PLVAP: variants seen among roughly 807,000 people sequenced by gnomAD.
The protein encoded by PLVAP is plasmalemma vesicle-associated protein.
Under a neutral mutation model 43.1 loss-of-function variants are expected in PLVAP, and 34 were observed. That is an observed-to-expected ratio of 0.79 (90% CI 0.60 to 1.05). The LOEUF (loss-of-function observed/expected upper bound fraction) is 1.05. Ranked by LOEUF, PLVAP falls within the 50% of genes least tolerant of loss-of-function variation. PLVAP has a pLI of 0.00. For missense variants in PLVAP, 574 were observed against 593.4 expected (o/e 0.97, Z 0.34); for synonymous variants, 241 against 237.3 (o/e 1.02, Z -0.14).
At chr19:17,372,820 T>TTC (rs1246223837) in intron 1 of PLVAP, among the ~76,000 whole-genome samples, 2 of 145,164 alleles carry the variant, frequency 1.4e-5, no homozygotes, top group African/African-American at 5.0e-5. Flanking sequence ...ATCCCAGCAC[T>TTC]GGGAGGCCAA....
At chr19:17,372,168 G>GA (rs1003792019) in intron 1 of PLVAP, among the ~76,000 whole-genome samples, 1 of 151,272 alleles carries the variant, frequency 6.6e-6, no homozygotes, top group Non-Finnish European at 1.5e-5. Context: ...GGTGTCTTGG[G>GA]AGGCTGAGGC....
At chr19:17,354,870 C>A (rs559345749) in intron 5 of PLVAP, among the ~76,000 whole-genome samples, 1 of 148,638 alleles carries the variant, frequency 6.7e-6, no homozygotes, top group East Asian at 2.0e-4. Flanking sequence ...TGCACTCCAG[C>A]CTGGGTGACA....
At chr19:17,354,664 C>T (rs908210446) in intron 5 of PLVAP, among the ~76,000 whole-genome samples, 9 of 147,582 alleles carry the variant, frequency 6.1e-5, no homozygotes, top group African/African-American at 1.5e-4. Flanking sequence ...TTTGGGAGGC[C>T]GAGGCAGGCG....
intron 3 of PLVAP, among the ~76,000 whole-genome samples, chr19:17,364,255 T>G (rs1376753446): frequency 6.6e-6 from 1 of 152,024 alleles, no homozygotes; most frequent in Non-Finnish European, 1.5e-5. Context: ...CCAGCTAATT[T>G]TTTGTGTTTT....
At chr19:17,368,003 T>G (rs1182184155) in intron 1 of PLVAP, among the ~76,000 whole-genome samples, 1 of 151,692 alleles carries the variant, frequency 6.6e-6, no homozygotes, top group Admixed American at 6.6e-5. Context: ...GTTCAAGTGA[T>G]TCTCCTGCCT....
intron 5 of PLVAP, among the ~76,000 whole-genome samples, chr19:17,354,725 C>T (rs1457773241): frequency 6.6e-5 from 10 of 151,582 alleles, no homozygotes; most frequent in South Asian, 4.2e-4. Context: ...AGTGAAACCC[C>T]GCCTCTACTA....
chr19:17,361,932 A>T (rs576649866), intron 3 of PLVAP, among the ~76,000 whole-genome samples: 191 of 150,858 alleles, frequency 1.3e-3, no homozygotes, highest in Non-Finnish European at 2.0e-3. Context: ...ATAAAAAAAA[A>T]AAAATCAGCC....
chr19:17,355,515 A>C (rs2074503418), intron 5 of PLVAP, among the ~76,000 whole-genome samples: 1 of 143,822 alleles, frequency 7.0e-6, no homozygotes, highest in Non-Finnish European at 1.5e-5. Context: ...GGTGCATGCC[A>C]TCATGCCTGG....
At chr19:17,361,444 C>T (rs2074528136) in intron 3 of PLVAP, among the ~76,000 whole-genome samples, 1 of 152,074 alleles carries the variant, frequency 6.6e-6, no homozygotes, top group Non-Finnish European at 1.5e-5. Flanking sequence ...TCCATCACAG[C>T]CTCAGGGTGA....
chr19:17,377,246 C>T lies in PLVAP; in HGVS notation c.43G>A (p.Gly15Arg). Residue 15 changes from glycine to arginine, a missense_variant, in exon 1 of 6, where the codon GGG becomes AGG. Gly to Arg is a moderately radical substitution (Grantham distance 125). Coordinates refer to ENST00000252590, the MANE Select transcript of PLVAP (RefSeq NM_031310.3). ...TACCAGCAGCCCCGAGAGCTGCCCCCCGCCCGAGCGTAGGACCCTCCGTGC... is the reference window on the plus strand; with the variant it reads ...TACCAGCAGCCCCGAGAGCTGCCCCTCGCCCGAGCGTAGGACCCTCCGTGC... ...MEHGGSYARAGGSSRGCWYYL... is the reference protein window; with the variant it reads ...MEHGGSYARARGSSRGCWYYL... 6.2e-7 allele frequency: 1 copy of T among 1,614,028 alleles called. No homozygotes were observed. The highest frequency in any genetic ancestry group is 2.2e-5 in the East Asian group (1 of 44,884).
At chr19:17,364,962 G>A (rs1394913992) in intron 3 of PLVAP, among the ~76,000 whole-genome samples, 5 of 151,790 alleles carry the variant, frequency 3.3e-5, no homozygotes, top group African/African-American at 4.8e-5. Flanking sequence ...TAGCAAAGAC[G>A]GGGTTTTGCC....
intron 1 of PLVAP, among the ~76,000 whole-genome samples, chr19:17,373,714 T>C (rs1380148373): frequency 6.6e-6 from 1 of 151,974 alleles, no homozygotes; most frequent in Non-Finnish European, 1.5e-5. Context: ...GTCTAGTGAG[T>C]TTGACACAAG....
intron 3 of PLVAP, among the ~76,000 whole-genome samples, chr19:17,363,462 T>C (rs1016356384): frequency 6.6e-6 from 1 of 150,840 alleles, no homozygotes; most frequent in African/African-American, 2.4e-5. Context: ...CCACCGCGCC[T>C]GGTCGTAGAG....
chr19:17,357,940 A>G (rs576575066), intron 5 of PLVAP, among the ~76,000 whole-genome samples: 1 of 152,314 alleles, frequency 6.6e-6, no homozygotes, highest in South Asian at 2.1e-4. Flanking sequence ...AGGCCCTGAC[A>G]GTCCTGGGCT....
chr19:17,376,873 G>C, intron 1 of PLVAP, 47 bp downstream of exon 1: 1 of 1,549,740 alleles, frequency 6.5e-7, no homozygotes, highest in Non-Finnish European at 8.8e-7. Flanking sequence ...AGAGGTGAGG[G>C]GGCTTGCTCA....
intron 1 of PLVAP, among the ~76,000 whole-genome samples, chr19:17,374,980 G>A (rs1197507356): frequency 1.3e-5 from 2 of 151,946 alleles, no homozygotes; most frequent in African/African-American, 4.8e-5. Context: ...CACCATACCC[G>A]GCTAATAATT....
intron 1 of PLVAP, among the ~76,000 whole-genome samples, chr19:17,372,860 A>C (rs2074578661): frequency 6.7e-6 from 1 of 148,570 alleles, no homozygotes; most frequent in Non-Finnish European, 1.5e-5. Context: ...CAGGAAATTG[A>C]GGCCATCCTG....
intron 1 of PLVAP, among the ~76,000 whole-genome samples, chr19:17,375,647 C>T (rs939744356): frequency 6.6e-5 from 10 of 151,906 alleles, no homozygotes; most frequent in East Asian, 1.9e-4. Context: ...TATGGGAGGC[C>T]GAGGTGGGTG....
rs578024267 is a variant in PLVAP at position 17,370,030 on chromosome 19, A to T, written c.370-3835T>A. ...AAAAAAAAAAAAAAAAAAAAAAGAAAGATATTCAAAATCATTAGCCATTAC... is the reference window on the plus strand; with the variant it reads ...AAAAAAAAAAAAAAAAAAAAAAGAATGATATTCAAAATCATTAGCCATTAC... On this transcript the variant is annotated intron_variant, in intron 1 of 5. Transcript: ENST00000252590. 4.3e-4 allele frequency among the ~76,000 whole-genome samples: 64 copies of T among 150,504 alleles called. 1 individual carries two copies. In the South Asian group the frequency reaches 5.1e-3, roughly 12 times the overall value.
Sources: gnomAD v4.1 joint callset for allele counts (sites outside exome capture counted in the v4.1 genomes callset) on GRCh38, gnomAD v4.1.1 for gene constraint, MANE v1.5 for transcripts, NCBI Gene and HGNC (gene_info 2026-07-23, HGNC 2026-07-21) for gene names.